CASK: variants seen among roughly 807,000 people sequenced by gnomAD.
CASK encodes the protein peripheral plasma membrane protein CASK.
A neutral mutation model predicts 82.9 loss-of-function variants in CASK; 4 were observed. The observed-to-expected ratio is 0.05, with a 90% CI of 0.02 to 0.11. CASK has a LOEUF of 0.11. CASK is among the 10% of genes least tolerant of loss of function. The pLI, the probability that CASK is intolerant of heterozygous loss-of-function variation, is 1.00. For missense variants in CASK, 358 were observed against 720.9 expected (o/e 0.50, Z 5.76); for synonymous variants, 259 against 253.5 (o/e 1.02, Z -0.20).
intron 5 of CASK, chrX:41,696,394 A>G: frequency 1.7e-6 from 2 of 1,178,917 alleles, no homozygotes; most frequent in Non-Finnish European, 2.3e-6. Context: ...AGGAGGTCAA[A>G]ATTTCCTAAT....
chrX:41,729,848 C>T (rs190542021), intron 5 of CASK: 1 of 101,322 alleles, frequency 9.9e-6, no homozygotes, highest in Non-Finnish European at 2.1e-5. Context: ...GTAAATCACC[C>T]CAATTTTTTC....
rs140482243 is a variant in CASK, at chrX:41,667,009, T to C, written c.533-1557A>G. 6.5e-3 allele frequency among the ~76,000 whole-genome samples: 722 copies of C among 110,576 alleles called. 5 individuals carry two copies. The highest frequency in any genetic ancestry group is 0.024 in the South Asian group (61 of 2,577). ...TACCAGTTAGGTACCTGCTGACAGT[T>C]TGGATGATGCTTTGAAACTCAACTT... On this transcript the variant is annotated intron_variant, in intron 6 of 26. Transcript: ENST00000378163.
At chrX:41,730,094 A>G (rs1231706777) in intron 5 of CASK, 1 of 121,835 alleles carries the variant, frequency 8.2e-6, no homozygotes, top group African/African-American at 3.3e-5. Flanking sequence ...AGATAACCAA[A>G]CAAAAACAGC....
Position 41,579,827 on chromosome X carries a change from C to CA in CASK, c.1315-1300dup, listed in dbSNP as rs1401147245. On this transcript the variant is annotated intron_variant, in intron 14 of 26. Coordinates refer to ENST00000378163, the MANE Select transcript of CASK (RefSeq NM_001367721.1). ...TAATTTTAAAGGCATGCATACGAGG[C>CA]AAAAAAAAAAGGTAACAATCTGGTA... Among the ~76,000 whole-genome samples the CA allele has an allele frequency of 7.8e-3, 757 of 97,653 alleles. 6 individuals are homozygous for CA. Among genetic ancestry groups the CA allele is most frequent in the African/African-American group, 0.026 (701 of 26,893 alleles). 84.8% of individuals were successfully genotyped at this position (97,653 alleles called of 115,157 possible).
intron 1 of CASK, among the ~76,000 whole-genome samples, chrX:41,909,635 C>T (rs2072527028): frequency 9.1e-6 from 1 of 109,849 alleles, no homozygotes; most frequent in Admixed American, 9.6e-5. Flanking sequence ...TTCTTAGTCT[C>T]GCTCTATCGC....
At chrX:41,875,520 T>C (rs188401495) in intron 1 of CASK, among the ~76,000 whole-genome samples, 24 of 111,370 alleles carry the variant, frequency 2.2e-4, no homozygotes, top group Admixed American at 2.0e-3. Context: ...CTGTTTATGC[T>C]CCCTCACTCC....
At chrX:41,613,421 T>C in intron 11 of CASK, among the ~76,000 whole-genome samples, 1 of 96,571 alleles carries the variant, frequency 1.0e-5, no homozygotes, top group East Asian at 3.2e-4. Flanking sequence ...GTTAAACAGA[T>C]GCTTGAAGGC....
intron 3 of CASK, among the ~76,000 whole-genome samples, chrX:41,762,578 GCTATTAT>G (rs1170542994): frequency 8.9e-6 from 1 of 111,781 alleles, no homozygotes; most frequent in Non-Finnish European, 1.9e-5. Flanking sequence ...AAAGTTCTGG[GCTATTAT>G]CTTTTTGAAT....
intron 5 of CASK, among the ~76,000 whole-genome samples, chrX:41,718,767 G>A (rs913999798): frequency 8.9e-6 from 1 of 111,969 alleles, no homozygotes; most frequent in African/African-American, 3.2e-5. Context: ...CATAGACAAA[G>A]CTTCACTGGA....
rs775586195 is a variant in CASK, at chrX:41,547,626, AT to A, written c.2040-4821del. Among the ~76,000 whole-genome samples, 524 of 99,537 alleles carry A rather than the reference AT, an allele frequency of 5.3e-3. 4 individuals are homozygous for A. The highest frequency in any genetic ancestry group is 0.015 in the African/African-American group (418 of 27,419). 86.4% of individuals were successfully genotyped at this position (99,537 alleles called of 115,157 possible). On this transcript the variant is annotated intron_variant, in intron 21 of 26. Coordinates refer to ENST00000378163, the MANE Select transcript of CASK (RefSeq NM_001367721.1). ...AAATAGAATTGATTTTCGTATATTG[AT>A]TTTTTTTTTTTTTGAGATGGAGTCT...
At chrX:41,756,557 T>G (rs1421264654) in intron 3 of CASK, among the ~76,000 whole-genome samples, 2 of 112,413 alleles carry the variant, frequency 1.8e-5, no homozygotes, top group Non-Finnish European at 3.8e-5. Flanking sequence ...AAACCTAAAC[T>G]GCTTGGTTTA....
intron 5 of CASK, among the ~76,000 whole-genome samples, chrX:41,679,556 A>C (rs2067318344): frequency 8.9e-6 from 1 of 112,270 alleles, no homozygotes; most frequent in Admixed American, 9.4e-5. Context: ...TATTATGAAT[A>C]AAGCTGTTAT....
intron 1 of CASK, among the ~76,000 whole-genome samples, chrX:41,913,029 T>C (rs1048678669): frequency 3.8e-4 from 42 of 109,593 alleles, no homozygotes; most frequent in African/African-American, 1.2e-3. Flanking sequence ...TCTGTAATGA[T>C]TTCCCCAACT....
intron 2 of CASK, among the ~76,000 whole-genome samples, chrX:41,823,156 G>A (rs1434928608): frequency 9.2e-6 from 1 of 108,992 alleles, no homozygotes; most frequent in Non-Finnish European, 1.9e-5. Flanking sequence ...AGGTGGCTCT[G>A]CCTCCCACCT....
chrX:41,648,745 G>A (rs768108571), intron 8 of CASK, among the ~76,000 whole-genome samples: 6 of 111,751 alleles, frequency 5.4e-5, no homozygotes, highest in African/African-American at 2.0e-4. Context: ...GCCAGGCTTT[G>A]GTATCAGGAT....
At chrX:41,797,252 C>T (rs2069877216) in intron 2 of CASK, among the ~76,000 whole-genome samples, 1 of 109,793 alleles carries the variant, frequency 9.1e-6, no homozygotes, top group Non-Finnish European at 1.9e-5. Context: ...GCACCGGCCC[C>T]CTGCTCTCTG....
chrX:41,874,854 T>C (rs2071780916), intron 1 of CASK, among the ~76,000 whole-genome samples: 2 of 112,739 alleles, frequency 1.8e-5, no homozygotes, highest in African/African-American at 6.4e-5. Context: ...ACAGTTGTAG[T>C]GATCAGTCCA....
At chrX:41,875,260 T>C (rs533761643) in intron 1 of CASK, among the ~76,000 whole-genome samples, 7 of 112,180 alleles carry the variant, frequency 6.2e-5, no homozygotes, top group African/African-American at 1.9e-4. Flanking sequence ...TACTCTTTGG[T>C]TTTTCCTTAA....
At chrX:41,803,549 G>A (rs769730025) in intron 2 of CASK, among the ~76,000 whole-genome samples, 4 of 111,302 alleles carry the variant, frequency 3.6e-5, no homozygotes, top group Non-Finnish European at 5.7e-5. Context: ...CCAAGATCAC[G>A]CCATTGCACT....
Sources: allele counts gnomAD v4.1 joint callset (sites outside exome capture counted in the v4.1 genomes callset), GRCh38; gene constraint gnomAD v4.1.1; transcripts MANE v1.5; gene names NCBI Gene and HGNC (gene_info 2026-07-23, HGNC 2026-07-21).